The following RP1 variants were observed in gnomAD, a reference collection of about 807,000 sequenced individuals.
RP1 encodes RP1 axonemal microtubule associated.
Under a neutral mutation model 14.8 loss-of-function variants are expected in RP1, and 16 were observed. The observed-to-expected ratio is 1.08, with a 90% CI of 0.73 to 1.65. The LOEUF (loss-of-function observed/expected upper bound fraction) is 1.65. RP1 is among the 40% of genes most tolerant of loss of function. The pLI is 0.00. For synonymous variants in RP1, 876 were observed against 883.6 expected, an observed-to-expected ratio of 0.99 and a Z score of 0.15; for missense variants, 2,631 against 2,535.0, an observed-to-expected ratio of 1.04 and a Z score of -0.81.
At chr8:54,769,769 A>G in exon 23 of RP1, 1 of 1,533,744 alleles carries the variant, frequency 6.5e-7, no homozygotes, top group African/African-American at 1.4e-5. Context: ...TCAGGGCATA[A>G]TTCATTCAGA....
At chr8:54,759,917 TA>T (rs1809598282) in intron 22 of RP1, among the ~76,000 whole-genome samples, 1 of 152,168 alleles carries the variant, frequency 6.6e-6, no homozygotes, top group Non-Finnish European at 1.5e-5. Flanking sequence ...GGCTGCCCTG[TA>T]TCCTCTTTTT....
At position 54,621,415 on chromosome 8, in the gene RP1, C is replaced by T. The variant is rs745619985; in HGVS notation, c.449C>T (p.Pro150Leu). ...GTAGCCGTCGCTGCTCCCGGCATGC[C>T]CCGCCCCCCACGGAGCCTAGTGGTC... ...HPVAVAAPGM[P>L]RPPRSLVVFR... is the part of the protein sequence containing the mutation. Residue 150 changes from proline (P) to leucine (L), a missense_variant, in exon 2 of 4, where the codon CCC becomes CTC. Physicochemically the swap from Pro to Leu is moderately conservative, Grantham distance 98 (BLOSUM62 -3). Coordinates refer to ENST00000220676, the MANE Select transcript of RP1 (RefSeq NM_006269.2). 3.1e-6 allele frequency: 5 copies of T among 1,613,450 alleles called. No individual in the cohort carries two copies. Among genetic ancestry groups the T allele is most frequent in the Non-Finnish European group, 4.2e-6 (5 of 1,179,946 alleles).
intron 24 of RP1, among the ~76,000 whole-genome samples, chr8:54,822,075 C>T (rs1339970401): frequency 6.6e-6 from 1 of 151,990 alleles, no homozygotes; most frequent in Non-Finnish European, 1.5e-5. Flanking sequence ...AAAAGCCATG[C>T]ATTAGTAATT....
exon 13 of RP1, chr8:54,699,479 T>G: frequency 7.3e-7 from 1 of 1,373,598 alleles, no homozygotes; most frequent in Non-Finnish European, 9.5e-7. Context: ...GTCTTTGATG[T>G]TATTTTCAAC....
intron 24 of RP1, among the ~76,000 whole-genome samples, chr8:54,786,241 A>G (rs1810314895): frequency 6.6e-6 from 1 of 152,048 alleles, no homozygotes; most frequent in African/African-American, 2.4e-5. Flanking sequence ...TTGCATATGC[A>G]AGTCTTGGTT....
chr8:54,608,370 G>A (rs892748818), intron 1 of RP1, among the ~76,000 whole-genome samples: 1 of 152,038 alleles, frequency 6.6e-6, no homozygotes. Context: ...AAACTAGATG[G>A]TCATGACGGT....
At chr8:54,599,104 C>A (rs748925071) in intron 1 of RP1, among the ~76,000 whole-genome samples, 5 of 152,140 alleles carry the variant, frequency 3.3e-5, no homozygotes, top group Non-Finnish European at 7.3e-5. Flanking sequence ...TATAGTTCTG[C>A]AAGTCCCTGA....
At chr8:54,667,124 A>C (rs912728761) in intron 7 of RP1, among the ~76,000 whole-genome samples, 2 of 151,222 alleles carry the variant, frequency 1.3e-5, no homozygotes, top group Admixed American at 6.6e-5. Context: ...TTTTACTTTC[A>C]TTTTTCTATT....
intron 12 of RP1, among the ~76,000 whole-genome samples, chr8:54,698,408 G>A (rs183653321): frequency 6.6e-6 from 1 of 152,294 alleles, no homozygotes; most frequent in East Asian, 1.9e-4. Context: ...AGAGGATGTG[G>A]AGAAATAGGA....
At chr8:54,729,270 ACAGTG>A (rs1808734898) in intron 17 of RP1, among the ~76,000 whole-genome samples, 1 of 152,196 alleles carries the variant, frequency 6.6e-6, no homozygotes, top group Non-Finnish European at 1.5e-5. Context: ...GGGCACTTGA[ACAGTG>A]CAGTGCAGCC....
intron 19 of RP1, among the ~76,000 whole-genome samples, chr8:54,742,121 T>C (rs1461028175): frequency 6.6e-6 from 1 of 152,130 alleles, no homozygotes; most frequent in Non-Finnish European, 1.5e-5. Context: ...AAATAGATGG[T>C]AATTAAACAC....
chr8:54,605,489 G>A (rs1358079535), intron 1 of RP1, among the ~76,000 whole-genome samples: 1 of 152,086 alleles, frequency 6.6e-6, no homozygotes, highest in Non-Finnish European at 1.5e-5. Context: ...TAGGTGTAGT[G>A]TGGTGCTGAA....
chr8:54,727,944 T>C (rs1808697069), intron 17 of RP1, among the ~76,000 whole-genome samples: 1 of 151,796 alleles, frequency 6.6e-6, no homozygotes, highest in East Asian at 1.9e-4. Context: ...ACAGCAGAAA[T>C]GGAGAGTGGG....
intron 3 of RP1, among the ~76,000 whole-genome samples, chr8:54,646,960 C>T (rs1806563194): frequency 6.6e-6 from 1 of 152,152 alleles, no homozygotes; most frequent in Admixed American, 6.6e-5. Flanking sequence ...TGCAATTTAA[C>T]ATTTTCTGTC....
chr8:54,834,338 A>G (rs1356644466), intron 24 of RP1, among the ~76,000 whole-genome samples: 1 of 152,072 alleles, frequency 6.6e-6, no homozygotes, highest in African/African-American at 2.4e-5. Flanking sequence ...CTGTGCAGGG[A>G]AAAACCCACT....
intron 25 of RP1, among the ~76,000 whole-genome samples, chr8:54,849,345 A>G (rs1277726351): frequency 6.6e-6 from 1 of 152,184 alleles, no homozygotes; most frequent in Non-Finnish European, 1.5e-5. Context: ...TGGACTGGAA[A>G]AAAAAAATTA....
chr8:54,752,323 GTCAA>G (rs1809392840), intron 19 of RP1, among the ~76,000 whole-genome samples: 1 of 152,116 alleles, frequency 6.6e-6, no homozygotes, highest in African/African-American at 2.4e-5. Flanking sequence ...CCTATGTTTG[GTCAA>G]TCAGTGAGTG....
intron 7 of RP1, among the ~76,000 whole-genome samples, chr8:54,672,287 A>T (rs1018517235): frequency 1.3e-5 from 2 of 152,132 alleles, no homozygotes; most frequent in Admixed American, 6.6e-5. Context: ...CAGACAAGAC[A>T]GAATTTTGGA....
chr8:54,809,287 T>C (rs1444121795), intron 24 of RP1, among the ~76,000 whole-genome samples: 1 of 152,218 alleles, frequency 6.6e-6, no homozygotes, highest in Non-Finnish European at 1.5e-5. Flanking sequence ...ATATTCTTAC[T>C]CATACATTCT....
Sources: allele counts gnomAD v4.1 joint callset (sites outside exome capture counted in the v4.1 genomes callset), GRCh38; gene constraint gnomAD v4.1.1; transcripts MANE v1.5; gene names NCBI Gene and HGNC (gene_info 2026-07-23, HGNC 2026-07-21).